Variants in KAT6B observed in about 807,000 individuals in gnomAD.
The protein encoded by KAT6B is histone acetyltransferase KAT6B.
A neutral mutation model predicts 187.5 loss-of-function variants in KAT6B; 10 were observed. The observed-to-expected ratio is 0.05, with a 90% CI of 0.03 to 0.09. KAT6B has a LOEUF of 0.09. Among genes scored for constraint, KAT6B ranks in the 10% least tolerant of loss-of-function variants. The pLI, the probability that KAT6B is intolerant of heterozygous loss-of-function variation, is 1.00. For synonymous variants in KAT6B, 861 were observed against 926.8 expected (o/e 0.93, Z 1.29); for missense variants, 1,952 against 2,558.9 (o/e 0.76, Z 5.12).
At chr10:74,990,794 C>T (rs1843084434) in intron 13 of KAT6B, among the ~76,000 whole-genome samples, 1 of 152,186 alleles carries the variant, frequency 6.6e-6, no homozygotes, top group African/African-American at 2.4e-5. Context: ...AGCAGCCATT[C>T]AAGCCTTAAA....
At chr10:74,890,938 ACT>A (rs2132637883) in intron 3 of KAT6B, among the ~76,000 whole-genome samples, 1 of 152,220 alleles carries the variant, frequency 6.6e-6, no homozygotes, top group South Asian at 2.1e-4. Flanking sequence ...CTTTGTTTTT[ACT>A]CTCTGCCTTC....
At chr10:74,908,026 C>G (rs1846902779) in intron 3 of KAT6B, among the ~76,000 whole-genome samples, 1 of 152,060 alleles carries the variant, frequency 6.6e-6, no homozygotes, top group Non-Finnish European at 1.5e-5. Flanking sequence ...ATGGACTAAT[C>G]CATTCATGGA....
chr10:74,858,928 C>T (rs538853108), intron 3 of KAT6B, among the ~76,000 whole-genome samples: 1 of 151,516 alleles, frequency 6.6e-6, no homozygotes, highest in Non-Finnish European at 1.5e-5. Context: ...ATACTCCAGC[C>T]TGGGCAACAG....
At chr10:74,843,561 A>G in intron 3 of KAT6B, 83 bp downstream of exon 3, 1 of 1,519,308 alleles carries the variant, frequency 6.6e-7, no homozygotes. Context: ...TGTGGACAAA[A>G]GTTCTGAATA....
intron 13 of KAT6B, among the ~76,000 whole-genome samples, chr10:75,018,879 C>A (rs1310601812): frequency 6.6e-6 from 1 of 152,020 alleles, no homozygotes; most frequent in Non-Finnish European, 1.5e-5. Flanking sequence ...ATGGTTCTCA[C>A]CCCCCCAGGA....
chr10:75,018,352 A>C (rs1239195949), intron 13 of KAT6B, among the ~76,000 whole-genome samples: 1 of 152,222 alleles, frequency 6.6e-6, no homozygotes, highest in East Asian at 1.9e-4. Context: ...TCTGTGTCCA[A>C]GGGAGTGTCT....
chr10:74,934,731 T>C (rs1849120773), intron 3 of KAT6B, among the ~76,000 whole-genome samples: 1 of 152,196 alleles, frequency 6.6e-6, no homozygotes, highest in Admixed American at 6.5e-5. Context: ...CTTTTTTTCC[T>C]TCTGTTCCAA....
intron 3 of KAT6B, among the ~76,000 whole-genome samples, chr10:74,959,186 A>T (rs1164291957): frequency 6.6e-6 from 1 of 152,178 alleles, no homozygotes; most frequent in African/African-American, 2.4e-5. Context: ...CAAGTGTCCC[A>T]CAGAATCCTG....
At chr10:74,932,016 G>A (rs1848919250) in intron 3 of KAT6B, among the ~76,000 whole-genome samples, 1 of 152,198 alleles carries the variant, frequency 6.6e-6, no homozygotes, top group African/African-American at 2.4e-5. Flanking sequence ...CCGGCTGAAA[G>A]CATGTTCTTG....
chr10:75,031,735 A>G lies in KAT6B; in HGVS notation c.*689A>G, dbSNP rs1284393545. 4.7e-6 allele frequency: 1 copy of G among 211,056 alleles called. No homozygotes were observed. Among genetic ancestry groups the G allele is most frequent in the Non-Finnish European group, 9.6e-6 (1 of 104,034 alleles). The allele number at this position is 211,056 out of a possible 1,614,324, so 13.1% of individuals were successfully genotyped here. On this transcript the variant is annotated 3_prime_UTR_variant, in exon 18 of 18. Coordinates refer to ENST00000287239, the MANE Select transcript of KAT6B (RefSeq NM_012330.4). ...TGGTGTAAAGTTGAGACCCTTTTCC[A>G]TTTTGGTGACAGATTTCTTTGGGGA...
chr10:74,911,323 T>G (rs1847188817), intron 3 of KAT6B, among the ~76,000 whole-genome samples: 1 of 151,096 alleles, frequency 6.6e-6, no homozygotes, highest in South Asian at 2.1e-4. Context: ...CAGGCTGGAG[T>G]GCAGTGGCGC....
intron 3 of KAT6B, among the ~76,000 whole-genome samples, chr10:74,860,235 C>T (rs1843085912): frequency 6.6e-6 from 1 of 151,888 alleles, no homozygotes; most frequent in Non-Finnish European, 1.5e-5. Context: ...ACTTAGGTTC[C>T]CCATTTAGTA....
chr10:74,863,162 G>A (rs1291081090), intron 3 of KAT6B, among the ~76,000 whole-genome samples: 1 of 152,166 alleles, frequency 6.6e-6, no homozygotes, highest in Non-Finnish European at 1.5e-5. Flanking sequence ...GATAACTACT[G>A]TTGAAAGTGT....
At chr10:74,881,184 A>G (rs1844827240) in intron 3 of KAT6B, among the ~76,000 whole-genome samples, 1 of 152,172 alleles carries the variant, frequency 6.6e-6, no homozygotes, top group Non-Finnish European at 1.5e-5. Context: ...TGCTGGGATT[A>G]TAGGTGTGAG....
In KAT6B at chr10:74,842,796, C is replaced by T. The variant is rs1841840016; in HGVS notation, c.-62C>T. 1 of 1,577,574 alleles carries T rather than the reference C, an allele frequency of 6.3e-7. No individual in the cohort carries two copies. Among genetic ancestry groups the T allele is most frequent in the Non-Finnish European group, 8.7e-7 (1 of 1,151,004 alleles). ...TAAATGACTTTCAAATGTGCAAGTT[C>T]TGTTAAATACAAAGAGAACCTCTAT... On this transcript the variant is annotated 5_prime_UTR_variant, in exon 3 of 18. Transcript: ENST00000287239.
In KAT6B at chr10:74,858,008, G is replaced by A. The variant is rs550563478; in HGVS notation, c.621+14530G>A. On this transcript the variant is annotated intron_variant, in intron 3 of 17. Coordinates refer to ENST00000287239, the MANE Select transcript of KAT6B (RefSeq NM_012330.4). ...ACTGCACTCTAGCCTGGGCGACTGA[G>A]CAGGACTCTATTTCTTAATTAAAAA... 3.3e-5 allele frequency among the ~76,000 whole-genome samples: 5 copies of A among 152,056 alleles called. No individual in the cohort carries two copies. In the South Asian group the frequency reaches 1.0e-3, roughly 32 times the overall value.
At chr10:75,005,814 G>A (rs1203841169) in intron 13 of KAT6B, among the ~76,000 whole-genome samples, 2 of 151,986 alleles carry the variant, frequency 1.3e-5, no homozygotes, top group African/African-American at 4.8e-5. Context: ...CCTGCTTTGA[G>A]TTAACATCAT....
chr10:74,877,866 A>G (rs1167564870), intron 3 of KAT6B, among the ~76,000 whole-genome samples: 2 of 152,136 alleles, frequency 1.3e-5, no homozygotes, highest in Non-Finnish European at 2.9e-5. Flanking sequence ...GAGTAATAAC[A>G]TTGGCAATCT....
intron 3 of KAT6B, among the ~76,000 whole-genome samples, chr10:74,855,633 C>T (rs998103076): frequency 2.6e-5 from 4 of 152,154 alleles, no homozygotes; most frequent in African/African-American, 9.7e-5. Flanking sequence ...TGAAGAACAT[C>T]AGCTGTTCCA....
Sources: gnomAD v4.1 joint callset for allele counts (sites outside exome capture counted in the v4.1 genomes callset) on GRCh38, gnomAD v4.1.1 for gene constraint, MANE v1.5 for transcripts, NCBI Gene and HGNC (gene_info 2026-07-23, HGNC 2026-07-21) for gene names.